The following PPP4R1 variants were observed in gnomAD, a reference collection of about 807,000 sequenced individuals.
PPP4R1 encodes protein phosphatase 4 regulatory subunit 1, also known as serine/threonine-protein phosphatase 4 regulatory subunit 1.
In PPP4R1, 42 loss-of-function variants were observed where a neutral mutation model predicts 111.2. The observed-to-expected ratio is 0.38, with a 90% CI of 0.29 to 0.49. The LOEUF is 0.49. PPP4R1 is among the 20% of genes least tolerant of loss of function. The probability of loss-of-function intolerance (pLI) is 0.97; values close to 1 mark genes in which losing one functional copy is unlikely to be tolerated. For synonymous variants in PPP4R1, 409 were observed against 405.5 expected (o/e 1.01, Z -0.10); for missense variants, 1,012 against 1,161.6 (o/e 0.87, Z 1.87).
At chr18:9,557,769 G>A (rs1056429862) in intron 14 of PPP4R1, among the ~76,000 whole-genome samples, 3 of 150,828 alleles carry the variant, frequency 2.0e-5, no homozygotes, top group Non-Finnish European at 4.4e-5. Flanking sequence ...TACTGAGGCT[G>A]CACATGGCTT....
chr18:9,607,845 C>T (rs1377455589), intron 2 of PPP4R1, among the ~76,000 whole-genome samples: 1 of 145,160 alleles, frequency 6.9e-6, no homozygotes, highest in Non-Finnish European at 1.5e-5. Flanking sequence ...TGCAATGATG[C>T]AATCTCGGCT....
chr18:9,585,373 A>G (rs1311050417), intron 6 of PPP4R1, among the ~76,000 whole-genome samples: 1 of 152,216 alleles, frequency 6.6e-6, no homozygotes, highest in African/African-American at 2.4e-5. Flanking sequence ...CAGGGAAAGC[A>G]TGAACACAGT....
At chr18:9,586,572 G>A (rs1468891514) in intron 6 of PPP4R1, among the ~76,000 whole-genome samples, 1 of 148,842 alleles carries the variant, frequency 6.7e-6, no homozygotes, top group East Asian at 1.9e-4. Context: ...TTATTAACTG[G>A]TAACTGAGTA....
rs780534027 is a variant in PPP4R1, at chr18:9,550,275, T to C, written c.2412+3A>G. On this transcript the variant is annotated splice_donor_region_variant and intron_variant, in intron 17 of 19. Coordinates refer to ENST00000400556, the MANE Select transcript of PPP4R1 (RefSeq NM_001042388.3). ...TCTAAAATTTTAAAAGTTCAATACA[T>C]ACCAACTTGTAGGAAATCCAACGAA... 6.8e-6 allele frequency: 11 copies of C among 1,613,876 alleles called. No homozygotes were observed. Among genetic ancestry groups the C allele is most frequent in the Middle Eastern group, 3.3e-4 (2 of 6,082 alleles).
Position 9,557,393 on chromosome 18 carries a change from G to A in PPP4R1, c.2029-11C>T. The A allele has an allele frequency of 6.3e-7, 1 of 1,591,986 alleles. No homozygotes were observed. ...TCGTCGAACTTTCCACTGCAGAAAT[G>A]AAAACACATTAGTAAGCTAACCACA... On this transcript the variant is annotated splice_polypyrimidine_tract_variant and intron_variant, in intron 14 of 19. Coordinates refer to ENST00000400556, the MANE Select transcript of PPP4R1 (RefSeq NM_001042388.3).
At chr18:9,597,620 T>C (rs1261900188) in intron 2 of PPP4R1, among the ~76,000 whole-genome samples, 1 of 152,194 alleles carries the variant, frequency 6.6e-6, no homozygotes, top group Non-Finnish European at 1.5e-5. Flanking sequence ...CTAAAATAAA[T>C]GAGGCAAAAC....
At chr18:9,578,601 A>G (rs2066976494) in intron 9 of PPP4R1, among the ~76,000 whole-genome samples, 1 of 152,098 alleles carries the variant, frequency 6.6e-6, no homozygotes, top group Admixed American at 6.6e-5. Context: ...GTTTAAGATA[A>G]TAATTATATA....
In PPP4R1 at chr18:9,614,035, G is replaced by T; in HGVS notation, c.52+191C>A. The T allele has an allele frequency of 2.8e-6, 1 of 360,624 alleles. No individual in the cohort carries two copies. The highest frequency in any genetic ancestry group is 4.6e-6 in the Non-Finnish European group (1 of 216,780). 22.3% of individuals were successfully genotyped at this position (360,624 alleles called of 1,614,324 possible). A position where few individuals can be genotyped will look rare whatever the true frequency, so the allele number is the denominator to read the frequency against. On this transcript the variant is annotated intron_variant, in intron 2 of 19. Coordinates refer to ENST00000400556, the MANE Select transcript of PPP4R1 (RefSeq NM_001042388.3). The surrounding 1 kb of genome is among the most constrained non-coding windows in gnomAD (Gnocchi z 4.1). The stretch of plus-strand genomic sequence containing the variant: ...TTACTCCGGGCGTCTCCCTCCCCCA[G>T]CGGAACCTGGGCGCGCCGTTTCCTC...
chr18:9,593,911 C>T (rs2067251869), intron 3 of PPP4R1, 37 bp from the exon 4 acceptor site: 13 of 1,497,100 alleles, frequency 8.7e-6, no homozygotes, highest in Non-Finnish European at 1.2e-5. Context: ...TGTTCAATGG[C>T]ATCAATAGCT....
At chr18:9,591,280 A>G (rs2067207478) in intron 4 of PPP4R1, among the ~76,000 whole-genome samples, 2 of 151,836 alleles carry the variant, frequency 1.3e-5, no homozygotes. Flanking sequence ...CCAGGAGAAG[A>G]AGGTTGTAGT....
intron 4 of PPP4R1, among the ~76,000 whole-genome samples, chr18:9,591,449 T>C (rs2067210548): frequency 6.6e-6 from 1 of 151,856 alleles, no homozygotes; most frequent in Non-Finnish European, 1.5e-5. Context: ...GAGATACCAC[T>C]ATACATCCAT....
At chr18:9,580,467 A>G (rs2145173718) in intron 9 of PPP4R1, among the ~76,000 whole-genome samples, 1 of 151,582 alleles carries the variant, frequency 6.6e-6, no homozygotes, top group Admixed American at 6.6e-5. Context: ...CTCCTGCCTC[A>G]GCCTCCTGAG....
In PPP4R1 at chr18:9,597,453, A is replaced by T. The variant is rs191612575; in HGVS notation, c.53-2300T>A. Among the ~76,000 whole-genome samples the T allele has an allele frequency of 4.6e-5, 7 of 152,300 alleles. No individual in the cohort carries two copies. The East Asian group carries it at 1.3e-3, about 29-fold the overall frequency. ...TAGAAAGCTGCAGAAAGTCCCTTTG[A>T]GTCTTTAGGTGAGTATTGAAACAGT... On this transcript the variant is annotated intron_variant, in intron 2 of 19. Transcript: ENST00000400556.
At chr18:9,613,333 G>C (rs578053516) in intron 2 of PPP4R1, among the ~76,000 whole-genome samples, 1 of 152,278 alleles carries the variant, frequency 6.6e-6, no homozygotes, top group South Asian at 2.1e-4. Flanking sequence ...ACTGCAATTT[G>C]TCACTTCTTT....
rs563316323 is a variant in PPP4R1, at chr18:9,573,647, G to T, written c.1047-2964C>A. On this transcript the variant is annotated intron_variant, in intron 10 of 19. Transcript: ENST00000400556. ...GGGTCTCGCTCTGTAGCCCAGGCTG[G>T]TGTAAAGTGGTATGATCATAGCTCA... 4.6e-5 allele frequency among the ~76,000 whole-genome samples: 7 copies of T among 152,252 alleles called. No individual in the cohort carries two copies. The East Asian group carries it at 1.4e-3, about 29-fold the overall frequency.
At chr18:9,568,060 A>C (rs1260105673) in intron 11 of PPP4R1, among the ~76,000 whole-genome samples, 1 of 152,100 alleles carries the variant, frequency 6.6e-6, no homozygotes, top group Non-Finnish European at 1.5e-5. Context: ...ACTGGGTCTT[A>C]CTCTCTCACC....
At chr18:9,615,106 C>G (rs1448072702), upstream of PPP4R1, 1 of 152,314 alleles carries the variant, frequency 6.6e-6, no homozygotes, top group Non-Finnish European at 1.5e-5. Flanking sequence ...GCCTCCCCAC[C>G]CGCCCGGGGC....
intron 10 of PPP4R1, among the ~76,000 whole-genome samples, chr18:9,574,861 C>T (rs2066913953): frequency 6.6e-6 from 1 of 152,304 alleles, no homozygotes; most frequent in Admixed American, 6.5e-5. Context: ...GCAGCAAGTA[C>T]AAAAACAGGG....
chr18:9,565,296 C>CT (rs961026237), intron 11 of PPP4R1, among the ~76,000 whole-genome samples: 10 of 152,298 alleles, frequency 6.6e-5, no homozygotes, highest in African/African-American at 2.4e-4. Context: ...TACCGACTTT[C>CT]TTTACCCATC....
Sources: gnomAD v4.1 joint callset for allele counts (sites outside exome capture counted in the v4.1 genomes callset) on GRCh38, gnomAD v4.1.1 for gene constraint, Gnocchi (gnomAD v3.1) non-coding constraint, MANE v1.5 for transcripts, NCBI Gene and HGNC (gene_info 2026-07-23, HGNC 2026-07-21) for gene names.